Variants in GNG7 observed in about 807,000 individuals in gnomAD.
The protein encoded by GNG7 is guanine nucleotide-binding protein G(I)/G(S)/G(O) subunit gamma-7.
Under a neutral mutation model 4.0 loss-of-function variants are expected in GNG7, and 1 was observed. That is an observed-to-expected ratio of 0.25 (90% CI 0.09 to 1.18). GNG7 has a LOEUF of 1.18. Ranked by LOEUF, GNG7 falls within the 50% of genes most tolerant of loss-of-function variation. The pLI, the probability that GNG7 is intolerant of heterozygous loss-of-function variation, is 0.50. For synonymous variants in GNG7, 34 were observed against 36.9 expected, an observed-to-expected ratio of 0.92 and a Z score of 0.29; for missense variants, 86 against 91.9, an observed-to-expected ratio of 0.94 and a Z score of 0.26.
rs574265024 is a variant in GNG7 at position 2,614,274 on chromosome 19, C to T, written c.-78+31950G>A. 1.4e-4 allele frequency among the ~76,000 whole-genome samples: 22 copies of T among 152,320 alleles called. No homozygotes were observed. In the South Asian group the frequency reaches 4.6e-3, roughly 32 times the overall value. ...CACCCTCTCCCTGCCCTCTGTGTACCCGCAGGGGGGCCCTGCACGTCGGGT... is the reference window on the plus strand; with the variant it reads ...CACCCTCTCCCTGCCCTCTGTGTACTCGCAGGGGGGCCCTGCACGTCGGGT... On this transcript the variant is annotated intron_variant, in intron 2 of 4. Coordinates refer to ENST00000382159, the MANE Select transcript of GNG7 (RefSeq NM_052847.3). The surrounding 1 kb of genome is among the most constrained non-coding windows in gnomAD (Gnocchi z 6.0).
At chr19:2,677,093 A>C (rs959100141) in intron 1 of GNG7, among the ~76,000 whole-genome samples, 7 of 152,112 alleles carry the variant, frequency 4.6e-5, no homozygotes, top group Non-Finnish European at 8.8e-5. Context: ...ACGGCCGCTT[A>C]ATTACACTTG....
chr19:2,684,357 G>A (rs186310457), intron 1 of GNG7, among the ~76,000 whole-genome samples: 38 of 151,446 alleles, frequency 2.5e-4, no homozygotes, highest in East Asian at 1.4e-3. Flanking sequence ...GGATGGTCTC[G>A]ATCTCTTGAC....
chr19:2,546,546 C>T lies in GNG7; in HGVS notation c.-38+8603G>A, dbSNP rs1979132683. Reference sequence around the variant, plus strand: ...CTTTGCTCTCAGGCTAAATCGGTCCCCGGGGCAGCTATATTTAGAAGGGGC... The same window carrying T: ...CTTTGCTCTCAGGCTAAATCGGTCCTCGGGGCAGCTATATTTAGAAGGGGC... On this transcript the variant is annotated intron_variant, in intron 3 of 4. Coordinates refer to ENST00000382159, the MANE Select transcript of GNG7 (RefSeq NM_052847.3). The surrounding 1 kb of genome is among the most constrained non-coding windows in gnomAD (Gnocchi z 6.3). Among the ~76,000 whole-genome samples the T allele has an allele frequency of 6.6e-6, 1 of 152,198 alleles. No homozygotes were observed. Among genetic ancestry groups the T allele is most frequent in the African/African-American group, 2.4e-5 (1 of 41,452 alleles).
intron 1 of GNG7, among the ~76,000 whole-genome samples, chr19:2,687,702 G>T (rs182101856): frequency 6.6e-6 from 1 of 151,574 alleles, no homozygotes; most frequent in Non-Finnish European, 1.5e-5. Flanking sequence ...GATGCCGGGC[G>T]CGGTGGCTCA....
intron 2 of GNG7, among the ~76,000 whole-genome samples, chr19:2,595,897 G>C (rs2144806608): frequency 6.6e-6 from 1 of 152,202 alleles, no homozygotes; most frequent in South Asian, 2.1e-4. Context: ...GGACAACTGT[G>C]TGAGCAGCAC....
intron 1 of GNG7, among the ~76,000 whole-genome samples, chr19:2,676,773 C>A (rs912009062): frequency 6.7e-6 from 1 of 149,614 alleles, no homozygotes; most frequent in Non-Finnish European, 1.5e-5. Context: ...GGTTCAGGAG[C>A]TTGCACCACT....
intron 3 of GNG7, among the ~76,000 whole-genome samples, chr19:2,551,347 G>A (rs1477062237): frequency 6.6e-6 from 1 of 152,070 alleles, no homozygotes; most frequent in Non-Finnish European, 1.5e-5. Flanking sequence ...CGACCCCTCG[G>A]CCATCGGCCA....
At chr19:2,578,924 G>C (rs575953975) in intron 2 of GNG7, among the ~76,000 whole-genome samples, 1 of 152,396 alleles carries the variant, frequency 6.6e-6, no homozygotes, top group Admixed American at 6.5e-5. Flanking sequence ...TGGGGATGTG[G>C]ATCCCAGACT....
At chr19:2,700,420 G>A (rs1391696575) in intron 1 of GNG7, among the ~76,000 whole-genome samples, 1 of 152,204 alleles carries the variant, frequency 6.6e-6, no homozygotes, top group Non-Finnish European at 1.5e-5. Context: ...GGGGATTACA[G>A]GCATGAGCCA....
intron 2 of GNG7, among the ~76,000 whole-genome samples, chr19:2,625,441 C>T (rs1298026476): frequency 6.6e-6 from 1 of 151,166 alleles, no homozygotes; most frequent in African/African-American, 2.4e-5. Flanking sequence ...CTCAAACTCC[C>T]GGCCTCAAGC....
intron 1 of GNG7, among the ~76,000 whole-genome samples, chr19:2,680,664 C>T (rs1983709314): frequency 6.6e-6 from 1 of 151,258 alleles, no homozygotes; most frequent in Admixed American, 6.6e-5. Flanking sequence ...CAACCTCCGC[C>T]TCCTGGGTTC....
intron 1 of GNG7, among the ~76,000 whole-genome samples, chr19:2,666,295 C>T (rs1206731804): frequency 6.6e-6 from 1 of 152,152 alleles, no homozygotes; most frequent in African/African-American, 2.4e-5. Flanking sequence ...GCCTCAGCCT[C>T]CCGAGTAGCT....
At chr19:2,558,092 C>T (rs1352507712) in intron 2 of GNG7, among the ~76,000 whole-genome samples, 4 of 151,976 alleles carry the variant, frequency 2.6e-5, no homozygotes, top group South Asian at 2.1e-4. Context: ...CCGCCCACCT[C>T]GGCCTCCGAA....
chr19:2,680,946 ATTGTTTG>A (rs1983717730), intron 1 of GNG7, among the ~76,000 whole-genome samples: 1 of 151,490 alleles, frequency 6.6e-6, no homozygotes, highest in African/African-American at 2.4e-5. Flanking sequence ...AGCCCTTGTG[ATTGTTTG>A]TTGTTCTGGT....
At chr19:2,699,079 A>G (rs867744152) in intron 1 of GNG7, among the ~76,000 whole-genome samples, 69 of 152,134 alleles carry the variant, frequency 4.5e-4, no homozygotes, top group Middle Eastern at 3.4e-3. Context: ...TGACAACTTC[A>G]GGCCATCTTC....
At chr19:2,560,788 C>G (rs1231494810) in intron 2 of GNG7, among the ~76,000 whole-genome samples, 1 of 152,008 alleles carries the variant, frequency 6.6e-6, no homozygotes, top group Non-Finnish European at 1.5e-5. Context: ...TAGACCCCGT[C>G]TCTACTAAAA....
chr19:2,537,359 C>T (rs1978776201), intron 3 of GNG7, among the ~76,000 whole-genome samples: 1 of 152,110 alleles, frequency 6.6e-6, no homozygotes, highest in South Asian at 2.1e-4. Context: ...GATCCTCCTG[C>T]CTGGGCCTCC....
intron 3 of GNG7, among the ~76,000 whole-genome samples, chr19:2,544,478 G>A (rs1446099180): frequency 6.6e-6 from 1 of 152,092 alleles, no homozygotes; most frequent in East Asian, 1.9e-4. Flanking sequence ...TCCGCCTCCC[G>A]GGTTCAGGAG....
chr19:2,596,294 G>A (rs894648679), intron 2 of GNG7, among the ~76,000 whole-genome samples: 9 of 152,134 alleles, frequency 5.9e-5, no homozygotes, highest in African/African-American at 2.2e-4. Context: ...AGGAGGTGGA[G>A]GTTGCAGTGA....
Sources: allele counts gnomAD v4.1 joint callset (sites outside exome capture counted in the v4.1 genomes callset), GRCh38; gene constraint gnomAD v4.1.1; non-coding constraint Gnocchi (gnomAD v3.1); transcripts MANE v1.5; gene names NCBI Gene and HGNC (gene_info 2026-07-23, HGNC 2026-07-21).